ARHGAP39: variants seen among roughly 807,000 people sequenced by gnomAD.
The protein encoded by ARHGAP39 is Rho GTPase activating protein 39.
Under a neutral mutation model 106.9 loss-of-function variants are expected in ARHGAP39, and 44 were observed. That is an observed-to-expected ratio of 0.41 (90% CI 0.32 to 0.53). The LOEUF is 0.53. ARHGAP39 is among the 20% of genes least tolerant of loss of function. ARHGAP39 has a pLI of 0.21. For synonymous variants in ARHGAP39, 768 were observed against 693.2 expected (o/e 1.11, Z -1.69); for missense variants, 1,496 against 1,577.3 (o/e 0.95, Z 0.87).
intron 1 of ARHGAP39, among the ~76,000 whole-genome samples, chr8:144,675,196 T>C (rs1717477355): frequency 6.6e-6 from 1 of 152,184 alleles, no homozygotes; most frequent in Admixed American, 6.5e-5. Flanking sequence ...AAGCCACCAA[T>C]GCCATTAGAA....
At chr8:144,531,088 C>G (rs920045974) in intron 10 of ARHGAP39, among the ~76,000 whole-genome samples, 1 of 152,220 alleles carries the variant, frequency 6.6e-6, no homozygotes, top group Admixed American at 6.5e-5. Context: ...ATGTGGGTCA[C>G]GCCAGCAGAG....
At chr8:144,674,797 G>A (rs767599869) in intron 1 of ARHGAP39, among the ~76,000 whole-genome samples, 1 of 152,232 alleles carries the variant, frequency 6.6e-6, no homozygotes, top group Non-Finnish European at 1.5e-5. Flanking sequence ...GAAGGCGGCC[G>A]AGAAGGCAGG....
chr8:144,562,144 T>C (rs936198495), intron 3 of ARHGAP39, among the ~76,000 whole-genome samples: 3 of 139,318 alleles, frequency 2.2e-5, no homozygotes, highest in African/African-American at 9.4e-5. Flanking sequence ...TCGGACTTAC[T>C]CCAGTGGTTT....
Position 144,548,190 on chromosome 8 carries a change from GAGTCC to G in ARHGAP39, c.891_895del (p.Asp298AlafsTer10). 1 of 1,582,592 alleles carries G rather than the reference GAGTCC, an allele frequency of 6.3e-7. No homozygotes were observed. Among genetic ancestry groups the G allele is most frequent in the Non-Finnish European group, 8.6e-7 (1 of 1,163,362 alleles). On this transcript the variant is annotated frameshift_variant, in exon 5 of 12. Transcript: ENST00000377307. LOFTEE classifies it high-confidence loss of function. The surrounding 1 kb of genome is among the most constrained non-coding windows in gnomAD (Gnocchi z 7.4). The stretch of plus-strand genomic sequence containing the variant: ...GCCATAGCGCGGGGAGGAGGGCTGC[GAGTCC>G]CCGGAGGGCTTTCGGGGCTGGGCCA...
At chr8:144,562,631 C>T (rs1020884424) in intron 3 of ARHGAP39, among the ~76,000 whole-genome samples, 5 of 151,064 alleles carry the variant, frequency 3.3e-5, no homozygotes, top group East Asian at 3.9e-4. Flanking sequence ...TGGTTTCCAT[C>T]GGACCCCAGT....
Position 144,581,260 on chromosome 8 carries a change from A to G in ARHGAP39, c.98T>C (p.Ile33Thr). ...GSNTRLEWVE[I>T]IEPRTRERMY... ...GCGCTCGCGGGTGCGCGGTTCGATG[A>G]TCTCCACCCACTCCAACCTGGGGAG... The change falls in exon 3 of 12, where the codon ATC (isoleucine) becomes ACC (threonine). Residue 33 changes from isoleucine to threonine, a missense_variant. This residue lies in a region of ARHGAP39 where 96 missense variants were observed against 107.9 expected (regional missense o/e 0.89). Transcript: ENST00000377307. 6.5e-7 allele frequency: 1 copy of G among 1,549,720 alleles called. No individual in the cohort carries two copies. Among genetic ancestry groups the G allele is most frequent in the Non-Finnish European group, 8.7e-7 (1 of 1,147,438 alleles).
chr8:144,665,475 C>G (rs1432889196), intron 1 of ARHGAP39, among the ~76,000 whole-genome samples: 1 of 152,226 alleles, frequency 6.6e-6, no homozygotes, highest in Non-Finnish European at 1.5e-5. Context: ...ACCTTCATGG[C>G]AGCCCCTGCC....
upstream of ARHGAP39, among the ~76,000 whole-genome samples, chr8:144,690,445 AT>A (rs1563740766): frequency 6.6e-6 from 1 of 151,808 alleles, no homozygotes; most frequent in Non-Finnish European, 1.5e-5. Flanking sequence ...AAGGGCTCCA[AT>A]TTCTCCATAT....
In ARHGAP39 at chr8:144,644,081, T is replaced by C. The variant is rs1023913125; in HGVS notation, c.-81-38386A>G. On this transcript the variant is annotated intron_variant, in intron 1 of 11. Coordinates refer to ENST00000377307, the MANE Select transcript of ARHGAP39 (RefSeq NM_025251.3). This position sits in a 1 kb window ranked among gnomAD's most constrained non-coding sequence, Gnocchi z 4.8. The stretch of plus-strand genomic sequence containing the variant: ...CTCCCAGGAATCTAGTCGGGAGACA[T>C]GAAGTCACAAATGCACAGTGAGACC... Among the ~76,000 whole-genome samples, 1 of 152,044 alleles carries C rather than the reference T, an allele frequency of 6.6e-6. No individual in the cohort carries two copies. The highest frequency in any genetic ancestry group is 1.5e-5 in the Non-Finnish European group (1 of 68,024).
chr8:144,581,019 C>T lies in ARHGAP39; in HGVS notation c.339G>A (p.Thr113=), dbSNP rs545380099. 2.6e-5 allele frequency: 42 copies of T among 1,588,342 alleles called. No homozygotes were observed. In the South Asian group the frequency reaches 4.4e-4, roughly 17 times the overall value. The stretch of plus-strand genomic sequence containing the variant: ...TCTCCGCCGAGGCGCGCGGGGACTC[C>T]GTGTTCTGCTTCAGCGTCTGCAGCT... The part of the protein sequence containing the change: ...LAKLQTLKQN[T]ESPRASAESS... The change falls in exon 3 of 12, where the codon ACG becomes ACA. Residue 113 remains threonine, a synonymous_variant. Transcript: ENST00000377307.
upstream of ARHGAP39, among the ~76,000 whole-genome samples, chr8:144,690,539 G>T (rs1264006949): frequency 6.6e-6 from 1 of 151,848 alleles, no homozygotes; most frequent in African/African-American, 2.4e-5. Context: ...TTGTGATTTT[G>T]ATTTCCATTA....
chr8:144,663,438 G>A (rs574351191), intron 1 of ARHGAP39, among the ~76,000 whole-genome samples: 36 of 152,176 alleles, frequency 2.4e-4, no homozygotes, highest in Admixed American at 3.3e-4. Context: ...TGAGTGAGAA[G>A]TCCCTCCTGA....
intron 6 of ARHGAP39, among the ~76,000 whole-genome samples, chr8:144,542,435 G>C (rs151326337): frequency 1.3e-5 from 2 of 152,148 alleles, no homozygotes; most frequent in African/African-American, 4.8e-5. Context: ...TCAGGGCGAC[G>C]CACCAGGCTC....
At chr8:144,666,909 C>T (rs185870062) in intron 1 of ARHGAP39, among the ~76,000 whole-genome samples, 14 of 152,296 alleles carry the variant, frequency 9.2e-5, no homozygotes, top group African/African-American at 2.4e-4. Flanking sequence ...AGATAAAATG[C>T]CTGCTGTGGG....
At chr8:144,680,905 A>G (rs1822398547) in intron 1 of ARHGAP39, among the ~76,000 whole-genome samples, 1 of 152,212 alleles carries the variant, frequency 6.6e-6, no homozygotes, top group South Asian at 2.1e-4. Flanking sequence ...GATATATGAT[A>G]ATAAAATTAC....
intron 1 of ARHGAP39, among the ~76,000 whole-genome samples, chr8:144,657,907 C>A (rs1821735900): frequency 1.3e-5 from 2 of 151,856 alleles, no homozygotes; most frequent in Admixed American, 6.6e-5. Context: ...ATGGGTTGAA[C>A]CAACTGGGGA....
chr8:144,537,660 C>A (rs944200694), intron 7 of ARHGAP39, 61 bp downstream of exon 7: 5 of 1,484,054 alleles, frequency 3.4e-6, no homozygotes, highest in African/African-American at 2.8e-5. Context: ...GCCAGGCGGC[C>A]GAGGCTGGAG....
upstream of ARHGAP39, among the ~76,000 whole-genome samples, chr8:144,686,654 CAGG>C (rs1366030055): frequency 4.6e-5 from 7 of 152,328 alleles, no homozygotes; most frequent in South Asian, 6.2e-4. Flanking sequence ...TCTCCCGCCT[CAGG>C]AGATCTCCCG....
chr8:144,671,884 G>A lies in ARHGAP39; in HGVS notation c.-82+13802C>T, dbSNP rs1361975179. Among the ~76,000 whole-genome samples, 2 of 152,236 alleles carry A rather than the reference G, an allele frequency of 1.3e-5. No homozygotes were observed. Among genetic ancestry groups the A allele is most frequent in the Non-Finnish European group, 2.9e-5 (2 of 68,040 alleles). On this transcript the variant is annotated intron_variant, in intron 1 of 11. Coordinates refer to ENST00000377307, the MANE Select transcript of ARHGAP39 (RefSeq NM_025251.3). This position sits in a 1 kb window ranked among gnomAD's most constrained non-coding sequence, Gnocchi z 4.5. The stretch of plus-strand genomic sequence containing the variant: ...TACAGGCAACAGTAAAGACAGGGGC[G>A]AGATGAGTGTGGGTGGGCCTGGCAA...
Sources: gnomAD v4.1 joint callset for allele counts (sites outside exome capture counted in the v4.1 genomes callset) on GRCh38, gnomAD v4.1.1 for gene constraint, gnomAD v4.1.1 regional missense constraint, Gnocchi (gnomAD v3.1) non-coding constraint, MANE v1.5 for transcripts, NCBI Gene and HGNC (gene_info 2026-07-23, HGNC 2026-07-21) for gene names.